The following SFRP1 variants were observed in gnomAD, a reference collection of about 807,000 sequenced individuals.
The protein encoded by SFRP1 is secreted frizzled related protein 1.
Under a neutral mutation model 25.9 loss-of-function variants are expected in SFRP1, and 9 were observed. The ratio of observed to expected loss-of-function variants is 0.35; its 90% CI spans 0.21 to 0.61. The LOEUF (loss-of-function observed/expected upper bound fraction) is 0.61. Ranked by LOEUF, SFRP1 falls within the 20% of genes least tolerant of loss-of-function variation. SFRP1 has a pLI of 0.78. For missense variants in SFRP1, 346 were observed against 418.2 expected (o/e 0.83, Z 1.51); for synonymous variants, 178 against 174.0 (o/e 1.02, Z -0.18).
chr8:41,277,298 T>G (rs746430142), intron 2 of SFRP1, among the ~76,000 whole-genome samples: 2 of 151,590 alleles, frequency 1.3e-5, no homozygotes, highest in Non-Finnish European at 2.9e-5. Context: ...TCACTAGGAT[T>G]GATTGAATCT....
intron 2 of SFRP1, among the ~76,000 whole-genome samples, chr8:41,301,775 C>T (rs1277768038): frequency 1.3e-5 from 2 of 152,240 alleles, no homozygotes; most frequent in Non-Finnish European, 1.5e-5. Context: ...GGAACCCAAT[C>T]CCAAACAGCT....
rs1585501550 is a variant in SFRP1, at chr8:41,264,935, A to C, written c.*232T>G. The C allele has an allele frequency of 2.0e-6, 1 of 495,470 alleles. No homozygotes were observed. The highest frequency in any genetic ancestry group is 3.2e-5 in the East Asian group (1 of 31,672). The allele number at this position is 495,470 out of a possible 1,614,324, so 30.7% of individuals were successfully genotyped here. On this transcript the variant is annotated 3_prime_UTR_variant, in exon 3 of 3. Transcript: ENST00000220772. The stretch of plus-strand genomic sequence containing the variant: ...TGCTGCTCCACATTGCGGATCTTAA[A>C]AACCTTCCTAATCTAAATGGCCCTT...
intron 2 of SFRP1, among the ~76,000 whole-genome samples, chr8:41,289,464 G>A (rs1803749591): frequency 6.6e-6 from 1 of 152,082 alleles, no homozygotes; most frequent in African/African-American, 2.4e-5. Flanking sequence ...TTAACAGGTG[G>A]GTAAACTGAG....
At chr8:41,270,889 C>T (rs1803496695) in intron 2 of SFRP1, among the ~76,000 whole-genome samples, 1 of 151,822 alleles carries the variant, frequency 6.6e-6, no homozygotes, top group African/African-American at 2.4e-5. Flanking sequence ...ACACAGCCTG[C>T]CGCTGGGGTA....
intron 2 of SFRP1, among the ~76,000 whole-genome samples, chr8:41,280,582 T>C (rs577236441): frequency 2.6e-5 from 4 of 152,308 alleles, no homozygotes; most frequent in South Asian, 4.1e-4. Flanking sequence ...GCAGAGGTTC[T>C]GAGAGCTGAA....
intron 2 of SFRP1, chr8:41,271,687 A>G (rs963773953): frequency 1.3e-5 from 2 of 152,102 alleles, no homozygotes; most frequent in Non-Finnish European, 2.9e-5. Context: ...TAATATGGCC[A>G]GGAGTGGTGG....
chr8:41,289,647 T>C (rs941339590), intron 2 of SFRP1, among the ~76,000 whole-genome samples: 1 of 152,196 alleles, frequency 6.6e-6, no homozygotes, highest in Non-Finnish European at 1.5e-5. Context: ...GCTGGAATCC[T>C]CTAAGGAAGT....
Position 41,273,946 on chromosome 8 carries a change from G to A in SFRP1, c.623-8457C>T, listed in dbSNP as rs566121142. ...GGAGAAGAAGGCAGGTATTCAGCTT[G>A]TGGAGTTTCTGCTCTCCCTCCCTTC... is the stretch of plus-strand genomic sequence containing the variant. On this transcript the variant is annotated intron_variant, in intron 2 of 2. Coordinates refer to ENST00000220772, the MANE Select transcript of SFRP1 (RefSeq NM_003012.5). Among the ~76,000 whole-genome samples the A allele has an allele frequency of 5.9e-5, 9 of 152,308 alleles. No homozygotes were observed. The South Asian group carries it at 1.9e-3, about 32-fold the overall frequency.
At chr8:41,302,904 A>T (rs1365404860) in intron 2 of SFRP1, among the ~76,000 whole-genome samples, 1 of 151,592 alleles carries the variant, frequency 6.6e-6, no homozygotes, top group Non-Finnish European at 1.5e-5. Flanking sequence ...TGCTGTGGGG[A>T]TGTCCATTTT....
chr8:41,307,032 T>C (rs547519198), intron 1 of SFRP1: 1 of 1,438,698 alleles, frequency 7.0e-7, no homozygotes, highest in South Asian at 1.5e-5. Flanking sequence ...CCATTGGGAA[T>C]GGACTCCAGG....
At chr8:41,308,589 C>G in intron 1 of SFRP1, 27 bp downstream of exon 1, 2 of 1,530,454 alleles carry the variant, frequency 1.3e-6, no homozygotes, top group East Asian at 2.3e-5. Context: ...GGGGGCGGCT[C>G]GCGCACGTGG....
chr8:41,273,217 C>T (rs1429783072), intron 2 of SFRP1, among the ~76,000 whole-genome samples: 1 of 152,190 alleles, frequency 6.6e-6, no homozygotes, highest in Non-Finnish European at 1.5e-5. Flanking sequence ...CAGCCAGGCA[C>T]AGTGGCTCAC....
rs1289494445 is a variant in SFRP1 at position 41,262,676 on chromosome 8, G to A, written c.*2491C>T. On this transcript the variant is annotated 3_prime_UTR_variant, in exon 3 of 3. Coordinates refer to ENST00000220772, the MANE Select transcript of SFRP1 (RefSeq NM_003012.5). Reference sequence around the variant, plus strand: ...CCCACCTTGGCCCTAGCGATAATTAGGAAATCACAGGCAAACCTCCTCTCT... The same window carrying A: ...CCCACCTTGGCCCTAGCGATAATTAAGAAATCACAGGCAAACCTCCTCTCT... The A allele has an allele frequency of 6.6e-6, 1 of 152,116 alleles. No individual in the cohort carries two copies. Among genetic ancestry groups the A allele is most frequent in the African/African-American group, 2.4e-5 (1 of 41,422 alleles). The allele number at this position is 152,116 out of a possible 1,614,324, so 9.4% of individuals were successfully genotyped here.
intron 2 of SFRP1, among the ~76,000 whole-genome samples, chr8:41,292,780 C>G (rs373301360): frequency 6.6e-6 from 1 of 152,158 alleles, no homozygotes; most frequent in African/African-American, 2.4e-5. Context: ...CAAGAGTGCA[C>G]GTCTTCTGCA....
intron 2 of SFRP1, among the ~76,000 whole-genome samples, chr8:41,300,782 C>T (rs569492808): frequency 6.6e-6 from 1 of 152,224 alleles, no homozygotes; most frequent in East Asian, 1.9e-4. Flanking sequence ...AAAGCAGAGC[C>T]CTGCAAGCTG....
At position 41,287,443 on chromosome 8, in the gene SFRP1, G is replaced by T. The variant is rs945907049; in HGVS notation, c.622+16018C>A. Among the ~76,000 whole-genome samples the T allele has an allele frequency of 5.3e-5, 8 of 152,350 alleles. No homozygotes were observed. The South Asian group carries it at 1.7e-3, about 32-fold the overall frequency. On this transcript the variant is annotated intron_variant, in intron 2 of 2. Transcript: ENST00000220772. The stretch of plus-strand genomic sequence containing the variant: ...GAGGAACGTCATGGAGAGTGGGTAA[G>T]AGCACCAGGTCATGTGCCACTGCAG...
intron 2 of SFRP1, among the ~76,000 whole-genome samples, chr8:41,285,160 A>G (rs148590092): frequency 6.8e-4 from 103 of 152,330 alleles, no homozygotes; most frequent in African/African-American, 2.3e-3. Context: ...GTTAAAGCAC[A>G]ATGGGATTTA....
At chr8:41,291,477 C>T (rs1212124093) in intron 2 of SFRP1, among the ~76,000 whole-genome samples, 3 of 152,222 alleles carry the variant, frequency 2.0e-5, no homozygotes, top group Non-Finnish European at 4.4e-5. Flanking sequence ...CTAGGCCCAC[C>T]TTTGCTGCCT....
At chr8:41,306,717 A>ACTAC (rs1563368632) in intron 1 of SFRP1, 3 of 1,597,672 alleles carry the variant, frequency 1.9e-6, no homozygotes, top group Non-Finnish European at 2.5e-6. Flanking sequence ...TGGGAGGGTG[A>ACTAC]CTACCTGAGC....
Sources: allele counts gnomAD v4.1 joint callset (sites outside exome capture counted in the v4.1 genomes callset), GRCh38; gene constraint gnomAD v4.1.1; transcripts MANE v1.5; gene names NCBI Gene and HGNC (gene_info 2026-07-23, HGNC 2026-07-21).